Variants in HMGB1 observed in about 807,000 individuals in gnomAD.
The protein encoded by HMGB1 is high mobility group protein B1.
For missense variants in HMGB1, 79 were observed against 253.5 expected (o/e 0.31, Z 4.67); for synonymous variants, 81 against 84.0 (o/e 0.96, Z 0.19).
intron 1 of HMGB1, among the ~76,000 whole-genome samples, chr13:30,550,342 G>C (rs568587314): frequency 6.6e-6 from 1 of 152,230 alleles, no homozygotes; most frequent in Admixed American, 6.5e-5. Flanking sequence ...GGCTTTCAAG[G>C]GGCTATCTAA....
chr13:30,458,549 TCA>T lies in HMGB1; in HGVS notation c.*2806_*2807del, dbSNP rs1203810658. On this transcript the variant is annotated 3_prime_UTR_variant, in exon 5 of 5. Coordinates refer to ENST00000341423, the MANE Select transcript of HMGB1 (RefSeq NM_002128.7). ...TTTCACCACGTTAGCCAGGATGGTCTCAATCTCCTGACCTCGTGATCTGCCCG... is the reference window on the plus strand; with the variant it reads ...TTTCACCACGTTAGCCAGGATGGTCTATCTCCTGACCTCGTGATCTGCCCG... The T allele has an allele frequency of 6.6e-6, 1 of 152,278 alleles. No individual in the cohort carries two copies. Among genetic ancestry groups the T allele is most frequent in the Non-Finnish European group, 1.5e-5 (1 of 68,126 alleles). 9.4% of individuals were successfully genotyped at this position (152,278 alleles called of 1,614,324 possible).
At chr13:30,485,599 A>G (rs1226527720) in intron 1 of HMGB1, among the ~76,000 whole-genome samples, 3 of 152,232 alleles carry the variant, frequency 2.0e-5, no homozygotes, top group African/African-American at 7.2e-5. Flanking sequence ...AGACTTATAA[A>G]TAAAAGTAGA....
chr13:30,591,971 C>T (rs1252420455), intron 1 of HMGB1, among the ~76,000 whole-genome samples: 3 of 152,018 alleles, frequency 2.0e-5, no homozygotes, highest in Admixed American at 2.0e-4. Context: ...ATATTATATA[C>T]TATAGTTAAA....
At chr13:30,527,048 C>T (rs770061961) in intron 1 of HMGB1, among the ~76,000 whole-genome samples, 1 of 152,202 alleles carries the variant, frequency 6.6e-6, no homozygotes, top group African/African-American at 2.4e-5. Flanking sequence ...GGGCCGAGCC[C>T]GCCTTTTAAC....
chr13:30,576,218 T>C (rs1870647703), intron 1 of HMGB1, among the ~76,000 whole-genome samples: 1 of 152,198 alleles, frequency 6.6e-6, no homozygotes, highest in African/African-American at 2.4e-5. Context: ...TGGATTTTAT[T>C]TGATGTATTG....
intron 1 of HMGB1, among the ~76,000 whole-genome samples, chr13:30,547,778 G>A (rs1297929906): frequency 1.3e-5 from 2 of 152,110 alleles, no homozygotes; most frequent in South Asian, 2.1e-4. Flanking sequence ...TCAGCCAGGC[G>A]TGGTGGCACA....
intron 1 of HMGB1, among the ~76,000 whole-genome samples, chr13:30,552,878 T>C (rs1228346857): frequency 6.6e-6 from 1 of 152,332 alleles, no homozygotes; most frequent in East Asian, 1.9e-4. Context: ...TTCTACCTTG[T>C]GCGGATGCAA....
chr13:30,491,660 C>CA (rs71093072), intron 1 of HMGB1, among the ~76,000 whole-genome samples: 29,358 of 119,830 alleles, frequency 0.24, 3,418 homozygotes, highest in Middle Eastern at 0.36. Flanking sequence ...GACCCTATCT[C>CA]AAAAAAAAAA....
At chr13:30,486,248 C>A (rs1334578726) in intron 1 of HMGB1, among the ~76,000 whole-genome samples, 1 of 152,154 alleles carries the variant, frequency 6.6e-6, no homozygotes, top group African/African-American at 2.4e-5. Context: ...GAACCCATTT[C>A]GATTTCTTAC....
At chr13:30,583,528 CAAAA>C (rs35519297) in intron 1 of HMGB1, among the ~76,000 whole-genome samples, 3 of 66,960 alleles carry the variant, frequency 4.5e-5, no homozygotes, top group Non-Finnish European at 8.6e-5. Context: ...ACCTGGTCTC[CAAAA>C]AAAAAAAAAA....
intron 1 of HMGB1, among the ~76,000 whole-genome samples, chr13:30,558,191 C>T (rs1869772858): frequency 6.6e-6 from 1 of 152,098 alleles, no homozygotes; most frequent in Non-Finnish European, 1.5e-5. Context: ...GAAAGCTTTT[C>T]TTGTCAATTC....
At chr13:30,487,306 C>T (rs1038862094) in intron 1 of HMGB1, among the ~76,000 whole-genome samples, 1 of 152,246 alleles carries the variant, frequency 6.6e-6, no homozygotes, top group African/African-American at 2.4e-5. Context: ...CTGCTTTCAA[C>T]ACTTGGTGCC....
chr13:30,571,662 G>A (rs117605168), intron 1 of HMGB1, among the ~76,000 whole-genome samples: 37 of 152,264 alleles, frequency 2.4e-4, no homozygotes, highest in Non-Finnish European at 5.1e-4. Context: ...AGCTGGCATA[G>A]TGCCTAGTGG....
At chr13:30,540,046 A>C (rs1868791511) in intron 1 of HMGB1, 2 of 154,866 alleles carry the variant, frequency 1.3e-5, no homozygotes, top group Admixed American at 1.3e-4. Flanking sequence ...TAACTGGTAG[A>C]AATGATTTCT....
At position 30,458,488 on chromosome 13, in the gene HMGB1, CT is replaced by C. The variant is rs944267065; in HGVS notation, c.*2868del. ...GGGACTACAGGCGCCCAGCACCACGCTTGGCTAATTTTTTGTATTTTTAGTA... is the reference window on the plus strand; with the variant it reads ...GGGACTACAGGCGCCCAGCACCACGCTGGCTAATTTTTTGTATTTTTAGTA... On this transcript the variant is annotated 3_prime_UTR_variant, in exon 5 of 5. Coordinates refer to ENST00000341423, the MANE Select transcript of HMGB1 (RefSeq NM_002128.7). 2.6e-5 allele frequency: 4 copies of C among 152,218 alleles called. No individual in the cohort carries two copies. The highest frequency in any genetic ancestry group is 4.8e-5 in the African/African-American group (2 of 41,416). 9.4% of individuals were successfully genotyped at this position (152,218 alleles called of 1,614,324 possible).
At chr13:30,512,197 C>T (rs916766067) in intron 1 of HMGB1, among the ~76,000 whole-genome samples, 2 of 151,948 alleles carry the variant, frequency 1.3e-5, no homozygotes, top group African/African-American at 4.8e-5. Context: ...AGGATGCCTG[C>T]TCTGTAAATG....
At chr13:30,491,275 C>G (rs921846934) in intron 1 of HMGB1, among the ~76,000 whole-genome samples, 2 of 150,538 alleles carry the variant, frequency 1.3e-5, no homozygotes, top group Non-Finnish European at 2.9e-5. Context: ...GATGATCTGC[C>G]TGCCTTGGCC....
At chr13:30,554,191 C>A in intron 1 of HMGB1, 1 of 1,419,900 alleles carries the variant, frequency 7.0e-7, no homozygotes, top group Non-Finnish European at 1.0e-6. Flanking sequence ...CAATATCTCA[C>A]TTGCATTATA....
At chr13:30,599,426 C>G (rs963734769) in intron 1 of HMGB1, among the ~76,000 whole-genome samples, 6 of 152,156 alleles carry the variant, frequency 3.9e-5, no homozygotes, top group African/African-American at 1.4e-4. Context: ...TGAGATCAGG[C>G]CATTGTACTC....
Sources: gnomAD v4.1 joint callset for allele counts (sites outside exome capture counted in the v4.1 genomes callset) on GRCh38, gnomAD v4.1.1 for gene constraint, MANE v1.5 for transcripts, NCBI Gene and HGNC (gene_info 2026-07-23, HGNC 2026-07-21) for gene names.